Variants in CLSTN2 observed in about 807,000 individuals in gnomAD.
CLSTN2 encodes the protein calsyntenin-2.
Under a neutral mutation model 101.2 loss-of-function variants are expected in CLSTN2, and 48 were observed. That is an observed-to-expected ratio of 0.47 (90% CI 0.38 to 0.60). CLSTN2 has a LOEUF of 0.60. CLSTN2 is among the 20% of genes least tolerant of loss of function. CLSTN2 has a pLI of 0.00. For missense variants in CLSTN2, 1,160 were observed against 1,238.2 expected (o/e 0.94, Z 0.95); for synonymous variants, 481 against 463.6 (o/e 1.04, Z -0.48).
intron 1 of CLSTN2, among the ~76,000 whole-genome samples, chr3:140,069,251 C>T (rs533453212): frequency 7.2e-5 from 11 of 152,200 alleles, no homozygotes; most frequent in Non-Finnish European, 1.3e-4. Flanking sequence ...AAGTCTCTCA[C>T]CTTTGGTGGG....
At chr3:139,949,425 G>A (rs1935258756) in intron 1 of CLSTN2, among the ~76,000 whole-genome samples, 1 of 152,146 alleles carries the variant, frequency 6.6e-6, no homozygotes, top group African/African-American at 2.4e-5. Flanking sequence ...ACACATAAGG[G>A]CTGGCAGAGC....
intron 1 of CLSTN2, among the ~76,000 whole-genome samples, chr3:139,971,923 T>C (rs1241970204): frequency 6.6e-6 from 1 of 151,956 alleles, no homozygotes; most frequent in Non-Finnish European, 1.5e-5. Context: ...TCCCTGACCA[T>C]AGGTGTTGAG....
chr3:140,394,226 CA>C (rs1413566417), intron 2 of CLSTN2, among the ~76,000 whole-genome samples: 1 of 131,736 alleles, frequency 7.6e-6, no homozygotes, highest in Non-Finnish European at 1.7e-5. Context: ...GACCATAGGA[CA>C]ATGGTTTTAT....
chr3:140,562,967 C>T lies in CLSTN2; in HGVS notation c.2358+11C>T, dbSNP rs369338646. ...GAGTTCAACTTGGAGGTGAGTGGGTCCTGCCATTGTTAGGGAAGCCAAGGC... is the reference window on the plus strand; with the variant it reads ...GAGTTCAACTTGGAGGTGAGTGGGTTCTGCCATTGTTAGGGAAGCCAAGGC... On this transcript the variant is annotated intron_variant, in intron 14 of 16. Transcript: ENST00000458420. 1 of 1,613,796 alleles carries T rather than the reference C, an allele frequency of 6.2e-7. No individual in the cohort carries two copies. Among genetic ancestry groups the T allele is most frequent in the Non-Finnish European group, 8.5e-7 (1 of 1,179,764 alleles).
At chr3:140,035,239 T>C (rs1003712349) in intron 1 of CLSTN2, among the ~76,000 whole-genome samples, 20 of 152,202 alleles carry the variant, frequency 1.3e-4, no homozygotes, top group African/African-American at 4.6e-4. Context: ...TTCTGATCAG[T>C]CCCAAGACCA....
intron 1 of CLSTN2, among the ~76,000 whole-genome samples, chr3:140,141,025 C>A (rs2009690078): frequency 6.6e-6 from 1 of 152,216 alleles, no homozygotes; most frequent in Admixed American, 6.5e-5. Flanking sequence ...TGACATAAGA[C>A]ACCTTCTGTG....
chr3:140,550,042 A>T (rs1935675095), intron 10 of CLSTN2, among the ~76,000 whole-genome samples: 1 of 150,950 alleles, frequency 6.6e-6, no homozygotes, highest in Admixed American at 6.6e-5. Flanking sequence ...ATCCCTGCCA[A>T]TTTTTCATCT....
chr3:139,968,562 T>G (rs545457507), intron 1 of CLSTN2, among the ~76,000 whole-genome samples: 1 of 152,312 alleles, frequency 6.6e-6, no homozygotes, highest in Non-Finnish European at 1.5e-5. Context: ...GAGAAGGCCC[T>G]CACCAGAAAG....
intron 2 of CLSTN2, among the ~76,000 whole-genome samples, chr3:140,325,090 G>T (rs538898706): frequency 4.6e-5 from 7 of 152,204 alleles, no homozygotes; most frequent in Admixed American, 2.6e-4. Context: ...TAGAGACAAG[G>T]TCTCACTATA....
chr3:140,229,738 A>T (rs572666969), intron 2 of CLSTN2, among the ~76,000 whole-genome samples: 2 of 152,180 alleles, frequency 1.3e-5, no homozygotes, highest in South Asian at 2.1e-4. Context: ...CTGGGGCTGC[A>T]TCAGACCCAG....
At chr3:140,317,192 A>G (rs7632227) in intron 2 of CLSTN2, among the ~76,000 whole-genome samples, 12,867 of 152,188 alleles carry the variant, frequency 0.085, 662 homozygotes, top group South Asian at 0.2. Context: ...TATACCAAAG[A>G]AGTGTTGAGT....
At chr3:140,387,270 G>A (rs2088063893) in intron 2 of CLSTN2, among the ~76,000 whole-genome samples, 1 of 152,192 alleles carries the variant, frequency 6.6e-6, no homozygotes, top group Non-Finnish European at 1.5e-5. Flanking sequence ...TCTTAGAAGA[G>A]ATTGTGTTTA....
chr3:140,071,832 A>AAAAT (rs142873442), intron 1 of CLSTN2, among the ~76,000 whole-genome samples: 2,816 of 149,824 alleles, frequency 0.019, 45 homozygotes, highest in African/African-American at 0.029. Flanking sequence ...CTCCGTCTAA[A>AAAAT]AAATAAATAA....
chr3:140,418,402 C>T (rs901386599), intron 4 of CLSTN2, among the ~76,000 whole-genome samples: 1 of 151,862 alleles, frequency 6.6e-6, no homozygotes, highest in African/African-American at 2.4e-5. Flanking sequence ...TTTTGACTGA[C>T]TTTGTTAACT....
intron 1 of CLSTN2, among the ~76,000 whole-genome samples, chr3:140,106,991 G>A (rs116687060): frequency 2.6e-5 from 4 of 152,180 alleles, no homozygotes; most frequent in African/African-American, 9.6e-5. Flanking sequence ...ATGACAATTT[G>A]TCCTTTTTTA....
intron 1 of CLSTN2, among the ~76,000 whole-genome samples, chr3:140,114,475 A>G (rs1479878662): frequency 1.3e-5 from 2 of 152,088 alleles, no homozygotes; most frequent in Non-Finnish European, 2.9e-5. Context: ...GGTTTCTGTG[A>G]GTCTATCTAA....
intron 1 of CLSTN2, among the ~76,000 whole-genome samples, chr3:140,027,189 G>A (rs2107758178): frequency 6.6e-6 from 1 of 152,358 alleles, no homozygotes; most frequent in Non-Finnish European, 1.5e-5. Flanking sequence ...TTTAGATACT[G>A]CAGTGGGTTG....
In CLSTN2 at chr3:140,530,961, C is replaced by T. The variant is rs560640233; in HGVS notation, c.1345-1363C>T. Among the ~76,000 whole-genome samples, 309 of 152,320 alleles carry T rather than the reference C, an allele frequency of 2.0e-3. 3 individuals carry two copies. The highest frequency in any genetic ancestry group is 6.0e-3 in the African/African-American group (249 of 41,564). ...CCCCAAGCCCAGGGTGCTCCTACCT[C>T]TTTGGGTTCGGTGCTTGATTCAGAT... On this transcript the variant is annotated intron_variant, in intron 8 of 16. Coordinates refer to ENST00000458420, the MANE Select transcript of CLSTN2 (RefSeq NM_022131.3).
At chr3:140,402,990 C>A (rs1381119640) in intron 2 of CLSTN2, among the ~76,000 whole-genome samples, 1 of 152,106 alleles carries the variant, frequency 6.6e-6, no homozygotes, top group East Asian at 1.9e-4. Context: ...ACATTTACTA[C>A]AGGTCTTGCA....
Sources: allele counts gnomAD v4.1 joint callset (sites outside exome capture counted in the v4.1 genomes callset), GRCh38; gene constraint gnomAD v4.1.1; transcripts MANE v1.5; gene names NCBI Gene and HGNC (gene_info 2026-07-23, HGNC 2026-07-21).